The following PEX5L variants were observed in gnomAD, a reference collection of about 807,000 sequenced individuals.
PEX5L encodes the protein peroxisomal biogenesis factor 5 like.
In PEX5L, 30 loss-of-function variants were observed where a neutral mutation model predicts 84.0. The ratio of observed to expected loss-of-function variants is 0.36; its 90% confidence interval spans 0.27 to 0.48. The LOEUF (loss-of-function observed/expected upper bound fraction) is 0.48. PEX5L is among the 20% of genes least tolerant of loss of function. The pLI is 0.99. For synonymous variants in PEX5L, 270 were observed against 283.1 expected (o/e 0.95, Z 0.46); for missense variants, 533 against 754.6 (o/e 0.71, Z 3.44).
intron 1 of PEX5L, among the ~76,000 whole-genome samples, chr3:180,009,495 G>A (rs1321246142): frequency 3.3e-5 from 5 of 152,046 alleles, no homozygotes; most frequent in Admixed American, 6.6e-5. Flanking sequence ...AATAAAAACA[G>A]AGGAAAGTCA....
chr3:179,813,634 AT>A (rs1724775287), intron 10 of PEX5L, among the ~76,000 whole-genome samples: 1 of 147,412 alleles, frequency 6.8e-6, no homozygotes, highest in African/African-American at 2.5e-5. Context: ...AGTAGCTGGG[AT>A]TACAGGCATG....
At chr3:179,802,076 G>A in intron 14 of PEX5L, 44 bp from the exon 15 acceptor site, 1 of 1,374,564 alleles carries the variant, frequency 7.3e-7, no homozygotes, top group Non-Finnish European at 1.0e-6. Context: ...TCACATTTCA[G>A]AGTTAGCAAA....
chr3:179,901,420 C>T lies in PEX5L; in HGVS notation c.94-3174G>A, dbSNP rs1213746763. On this transcript the variant is annotated intron_variant, in intron 2 of 14. Transcript: ENST00000467460. ...GAAGACAGACAAAATAAAATATACA[C>T]TGAATATACATTCAAGCATATAAGC... Among the ~76,000 whole-genome samples the T allele has an allele frequency of 2.6e-5, 4 of 152,156 alleles. No homozygotes were observed. In the East Asian group the frequency reaches 5.8e-4, roughly 22 times the overall value.
chr3:180,000,049 G>C (rs763423910), intron 1 of PEX5L, among the ~76,000 whole-genome samples: 2 of 152,140 alleles, frequency 1.3e-5, no homozygotes, highest in Non-Finnish European at 2.9e-5. Flanking sequence ...GATAGAAGTG[G>C]AAGTGGCACC....
intron 8 of PEX5L, among the ~76,000 whole-genome samples, chr3:179,826,946 T>C (rs1033414432): frequency 2.6e-5 from 4 of 152,074 alleles, no homozygotes; most frequent in Non-Finnish European, 5.9e-5. Flanking sequence ...AATGATAAAA[T>C]AAAAATAGTG....
chr3:179,836,915 A>C (rs1735167161), intron 8 of PEX5L, among the ~76,000 whole-genome samples: 1 of 152,206 alleles, frequency 6.6e-6, no homozygotes, highest in African/African-American at 2.4e-5. Flanking sequence ...TTCATGCTGC[A>C]GTTATGTAAA....
chr3:179,983,314 T>G (rs1311672368), intron 1 of PEX5L, among the ~76,000 whole-genome samples: 1 of 152,022 alleles, frequency 6.6e-6, no homozygotes, highest in Non-Finnish European at 1.5e-5. Context: ...CTTAAATTAA[T>G]AATTTTTATT....
chr3:179,870,035 T>A (rs994697862), intron 7 of PEX5L, among the ~76,000 whole-genome samples: 4 of 152,192 alleles, frequency 2.6e-5, no homozygotes, highest in Non-Finnish European at 5.9e-5. Flanking sequence ...GGGACTCAGA[T>A]GAACTTTACC....
In PEX5L at chr3:179,795,542, A is replaced by G. The variant is rs1716594611; in HGVS notation, c.*6286T>C. On this transcript the variant is annotated 3_prime_UTR_variant, in exon 15 of 15. Coordinates refer to ENST00000467460, the MANE Select transcript of PEX5L (RefSeq NM_016559.3). Reference sequence around the variant, plus strand: ...CACTAAATCACTGATACAGTATCACATAATATGCCAATCACTTTAAAATCC... The same window carrying G: ...CACTAAATCACTGATACAGTATCACGTAATATGCCAATCACTTTAAAATCC... 1 of 152,172 alleles carries G rather than the reference A, an allele frequency of 6.6e-6. No individual in the cohort carries two copies. The highest frequency in any genetic ancestry group is 6.5e-5 in the Admixed American group (1 of 15,286). 9.4% of individuals were successfully genotyped at this position (152,172 alleles called of 1,614,324 possible).
At chr3:179,835,278 C>G (rs1479794184) in intron 8 of PEX5L, among the ~76,000 whole-genome samples, 2 of 152,204 alleles carry the variant, frequency 1.3e-5, no homozygotes, top group Non-Finnish European at 2.9e-5. Context: ...AATCAAATAA[C>G]CTTTCCTCAC....
chr3:179,921,586 T>C (rs1017484623), intron 2 of PEX5L: 2 of 152,318 alleles, frequency 1.3e-5, no homozygotes, highest in African/African-American at 4.8e-5. Context: ...ACAAGAGCTA[T>C]GAAAGTGAAG....
At chr3:179,975,737 T>C (rs954580120) in intron 1 of PEX5L, among the ~76,000 whole-genome samples, 5 of 152,236 alleles carry the variant, frequency 3.3e-5, no homozygotes, top group Non-Finnish European at 7.3e-5. Context: ...TCTTCAGCCT[T>C]TTCTCTACCA....
At chr3:179,847,915 C>T (rs1740229592) in intron 8 of PEX5L, among the ~76,000 whole-genome samples, 1 of 151,550 alleles carries the variant, frequency 6.6e-6, no homozygotes, top group East Asian at 1.9e-4. Context: ...CCAGGCTGGT[C>T]TTGAACTCCT....
Position 179,798,014 on chromosome 3 carries a change from A to G in PEX5L, c.*3814T>C, listed in dbSNP as rs1165940368. 6.6e-6 allele frequency: 1 copy of G among 152,204 alleles called. No individual in the cohort carries two copies. Among genetic ancestry groups the G allele is most frequent in the African/African-American group, 2.4e-5 (1 of 41,464 alleles). 9.4% of individuals were successfully genotyped at this position (152,204 alleles called of 1,614,324 possible). On this transcript the variant is annotated 3_prime_UTR_variant, in exon 15 of 15. Coordinates refer to ENST00000467460, the MANE Select transcript of PEX5L (RefSeq NM_016559.3). The stretch of plus-strand genomic sequence containing the variant: ...AGCTCACAGACAAAGTTTATGATAA[A>G]GAGTTTGGAAGCTTTTATTATAAAA...
Position 179,863,880 on chromosome 3 carries a change from C to T in PEX5L, c.727-4723G>A, listed in dbSNP as rs570732013. ...CCCCACCCAAATCTCTTCTTGAATT[C>T]CCACATGTTGTGGGAGGGACCTGGT... On this transcript the variant is annotated intron_variant, in intron 7 of 14. Coordinates refer to ENST00000467460, the MANE Select transcript of PEX5L (RefSeq NM_016559.3). 2.0e-5 allele frequency among the ~76,000 whole-genome samples: 3 copies of T among 152,202 alleles called. No individual in the cohort carries two copies. The South Asian group carries it at 6.2e-4, about 32-fold the overall frequency.
intron 2 of PEX5L, among the ~76,000 whole-genome samples, chr3:179,969,141 G>T (rs775166922): frequency 2.0e-5 from 3 of 152,038 alleles, no homozygotes; most frequent in Non-Finnish European, 4.4e-5. Flanking sequence ...CAGATTTAAA[G>T]AAATTAGGAG....
intron 2 of PEX5L, among the ~76,000 whole-genome samples, chr3:179,945,847 C>T (rs999781823): frequency 2.0e-5 from 3 of 152,138 alleles, no homozygotes; most frequent in Non-Finnish European, 2.9e-5. Flanking sequence ...CCACTAGTCT[C>T]AGTTCTCCCA....
chr3:179,974,962 C>T (rs886098633), intron 1 of PEX5L, among the ~76,000 whole-genome samples: 2 of 152,066 alleles, frequency 1.3e-5, no homozygotes, highest in African/African-American at 4.8e-5. Flanking sequence ...TTTGGGAGGC[C>T]TAGGCAGGAG....
rs150599592 is a variant in PEX5L, at chr3:179,818,090, C to A, written c.939+1770G>T. On this transcript the variant is annotated intron_variant, in intron 9 of 14. Transcript: ENST00000467460. ...ATGTAGATTGCAGATCTACTAAAAT[C>A]GGAGACTATTCGTCATCACATCCCC... Among the ~76,000 whole-genome samples the A allele has an allele frequency of 1.7e-3, 260 of 152,220 alleles. 2 individuals carry two copies. Among genetic ancestry groups the A allele is most frequent in the Non-Finnish European group, 6.6e-4 (45 of 68,018 alleles).
Sources: gnomAD v4.1 joint callset for allele counts (sites outside exome capture counted in the v4.1 genomes callset) on GRCh38, gnomAD v4.1.1 for gene constraint, MANE v1.5 for transcripts, NCBI Gene and HGNC (gene_info 2026-07-23, HGNC 2026-07-21) for gene names.